Variants in RYR2 observed in about 807,000 individuals in gnomAD.
RYR2 encodes the protein cardiac muscle ryanodine receptor-calcium release channel.
In RYR2, 227 loss-of-function variants were observed where a neutral mutation model predicts 601.1. That is an observed-to-expected ratio of 0.38 (90% confidence interval 0.34 to 0.42). The LOEUF is 0.42. Ranked by LOEUF, RYR2 falls within the 10% of genes least tolerant of loss-of-function variation. RYR2 has a pLI of 1.00. For synonymous variants in RYR2, 2,223 were observed against 2,175.1 expected (o/e 1.02, Z -0.61); for missense variants, 4,646 against 6,156.5 (o/e 0.75, Z 8.21).
chr1:237,660,121 G>GA (rs1683633982), intron 55 of RYR2, 47 bp downstream of exon 55: 2 of 1,098,596 alleles, frequency 1.8e-6, no homozygotes, highest in Non-Finnish European at 1.2e-6. Flanking sequence ...TTATTCTTTT[G>GA]AAAAATGTGT....
chr1:237,381,251 CAAAAAAAAAA>C (rs60493059), intron 8 of RYR2, among the ~76,000 whole-genome samples: 894 of 45,776 alleles, frequency 0.02, 19 homozygotes, highest in African/African-American at 0.044. Flanking sequence ...GACTCCGTCT[CAAAAAAAAAA>C]AAAAAAAAAA....
chr1:237,633,852 A>G (rs1680592783), intron 43 of RYR2, 142 bp downstream of exon 43: 1 of 798,338 alleles, frequency 1.3e-6, no homozygotes, highest in Admixed American at 3.0e-5. Context: ...CAATAGGTAT[A>G]TGAAAAAATA....
chr1:237,648,932 C>T (rs1455899037), intron 49 of RYR2, among the ~76,000 whole-genome samples: 2 of 152,190 alleles, frequency 1.3e-5, no homozygotes, highest in Non-Finnish European at 2.9e-5. Flanking sequence ...TCCTGTTAAC[C>T]TCTGTTCAGT....
intron 1 of RYR2, among the ~76,000 whole-genome samples, chr1:237,145,248 G>A (rs1431432986): frequency 6.6e-6 from 1 of 151,916 alleles, no homozygotes; most frequent in East Asian, 1.9e-4. Flanking sequence ...AAAAGAAAAA[G>A]GTGCACTGTG....
At chr1:237,712,430 C>A (rs1481164946) in intron 71 of RYR2, among the ~76,000 whole-genome samples, 1 of 151,944 alleles carries the variant, frequency 6.6e-6, no homozygotes, top group Non-Finnish European at 1.5e-5. Flanking sequence ...ACCAAGGAAG[C>A]CATTTCCTTC....
At chr1:237,813,339 G>A (rs1245183308) in intron 100 of RYR2, among the ~76,000 whole-genome samples, 1 of 152,164 alleles carries the variant, frequency 6.6e-6, no homozygotes, top group Non-Finnish European at 1.5e-5. Context: ...TATTCCTAAA[G>A]GCTATGATGC....
chr1:237,566,868 TC>T, intron 28 of RYR2, 93 bp downstream of exon 28: 1 of 1,318,386 alleles, frequency 7.6e-7, no homozygotes, highest in Non-Finnish European at 1.1e-6. Flanking sequence ...TACCAGTGTT[TC>T]CCACAGCACA....
chr1:237,668,063 A>G, intron 58 of RYR2, 105 bp downstream of exon 58: 2 of 851,524 alleles, frequency 2.3e-6, no homozygotes, highest in African/African-American at 1.7e-5. Context: ...ACTTTTTAAA[A>G]TCAGAACGGT....
intron 63 of RYR2, among the ~76,000 whole-genome samples, chr1:237,697,481 TAGA>T: frequency 6.9e-6 from 1 of 144,516 alleles, no homozygotes; most frequent in South Asian, 2.1e-4. Context: ...AATATATTTA[TAGA>T]AATATATATT....
intron 80 of RYR2, among the ~76,000 whole-genome samples, chr1:237,749,094 T>C (rs916063374): frequency 1.3e-5 from 2 of 152,222 alleles, no homozygotes; most frequent in Admixed American, 6.5e-5. Context: ...CAAACATGTA[T>C]TGAAGCAGCA....
intron 16 of RYR2, among the ~76,000 whole-genome samples, chr1:237,465,075 TACATAC>T (rs1659915670): frequency 7.7e-6 from 1 of 129,146 alleles, no homozygotes; most frequent in Admixed American, 9.1e-5. Context: ...GACATGCGCC[TACATAC>T]ACACACATGC....
At chr1:237,766,645 A>G (rs1693869131) in intron 84 of RYR2, among the ~76,000 whole-genome samples, 1 of 152,206 alleles carries the variant, frequency 6.6e-6, no homozygotes, top group South Asian at 2.1e-4. Flanking sequence ...ATGAAAAACA[A>G]TAAGAATTTC....
At chr1:237,445,197 T>C (rs560124221) in intron 13 of RYR2, among the ~76,000 whole-genome samples, 3 of 152,100 alleles carry the variant, frequency 2.0e-5, no homozygotes, top group Admixed American at 6.6e-5. Context: ...AATGAAGTAA[T>C]AACTAAATGA....
chr1:237,065,375 G>C (rs1404246124), intron 1 of RYR2, among the ~76,000 whole-genome samples: 1 of 146,742 alleles, frequency 6.8e-6, no homozygotes, highest in Non-Finnish European at 1.5e-5. Flanking sequence ...CACCTCCCGG[G>C]TTCAAGCCAT....
chr1:237,464,923 G>T (rs999217996), intron 16 of RYR2, among the ~76,000 whole-genome samples: 12 of 152,118 alleles, frequency 7.9e-5, no homozygotes, highest in African/African-American at 2.9e-4. Flanking sequence ...GTTATAAAGA[G>T]TGCTGTGATG....
chr1:237,650,162 T>C, intron 50 of RYR2, 65 bp downstream of exon 50: 5 of 1,415,456 alleles, frequency 3.5e-6, no homozygotes, highest in Non-Finnish European at 4.9e-6. Context: ...ATGTGGCCTT[T>C]GACAAATTAT....
chr1:237,434,973 G>T (rs138765541), intron 12 of RYR2, among the ~76,000 whole-genome samples: 2 of 151,842 alleles, frequency 1.3e-5, no homozygotes, highest in Non-Finnish European at 2.9e-5. Context: ...ACGGGGTTTC[G>T]CCATGTTGCC....
chr1:237,097,323 A>T (rs1165610709), intron 1 of RYR2, among the ~76,000 whole-genome samples: 1 of 152,226 alleles, frequency 6.6e-6, no homozygotes, highest in African/African-American at 2.4e-5. Context: ...AAACTGAGCT[A>T]TATGAGTTAA....
At chr1:237,615,097 C>T (rs1320046806) in intron 37 of RYR2, among the ~76,000 whole-genome samples, 5 of 152,170 alleles carry the variant, frequency 3.3e-5, no homozygotes. Context: ...CCCCTTTCCA[C>T]CCATATTTCC....
Sources: gnomAD v4.1 joint callset for allele counts (sites outside exome capture counted in the v4.1 genomes callset) on GRCh38, gnomAD v4.1.1 for gene constraint, MANE v1.5 for transcripts, NCBI Gene and HGNC (gene_info 2026-07-23, HGNC 2026-07-21) for gene names.